Variants in VSIG1 observed in about 807,000 individuals in gnomAD.
The protein encoded by VSIG1 is V-set and immunoglobulin domain-containing protein 1.
A neutral mutation model predicts 20.1 loss-of-function variants in VSIG1; 11 were observed. The ratio of observed to expected loss-of-function variants is 0.55; its 90% CI spans 0.34 to 0.91. The LOEUF is 0.91. Ranked by LOEUF, VSIG1 falls within the 40% of genes least tolerant of loss-of-function variation. The pLI, the probability that VSIG1 is intolerant of heterozygous loss-of-function variation, is 0.02. For synonymous variants in VSIG1, 126 were observed against 116.7 expected (o/e 1.08, Z -0.52); for missense variants, 283 against 298.8 (o/e 0.95, Z 0.39).
At chrX:108,066,368 T>C (rs1429822221) in intron 2 of VSIG1, among the ~76,000 whole-genome samples, 1 of 111,517 alleles carries the variant, frequency 9.0e-6, no homozygotes, top group African/African-American at 3.3e-5. Flanking sequence ...TGGGACCAGA[T>C]GATTTCTAAG....
chrX:108,043,818 T>C (rs1347273113), upstream of VSIG1, among the ~76,000 whole-genome samples: 1 of 112,093 alleles, frequency 8.9e-6, no homozygotes, highest in Non-Finnish European at 1.9e-5. Context: ...ACATAAAACA[T>C]ATCACTTGAA....
At chrX:108,075,299 G>T (rs1259160638) in intron 5 of VSIG1, among the ~76,000 whole-genome samples, 2 of 112,095 alleles carry the variant, frequency 1.8e-5, no homozygotes, top group Non-Finnish European at 3.8e-5. Flanking sequence ...GTTAAGAGTG[G>T]TTGCCTTTCG....
chrX:108,071,539 C>A (rs1455852992), intron 3 of VSIG1, among the ~76,000 whole-genome samples: 2 of 111,078 alleles, frequency 1.8e-5, no homozygotes, highest in Non-Finnish European at 3.8e-5. Flanking sequence ...TTTTCATAAG[C>A]AGCTAAAACT....
intron 3 of VSIG1, among the ~76,000 whole-genome samples, chrX:108,068,108 A>G (rs1024994467): frequency 8.9e-6 from 1 of 112,048 alleles, no homozygotes; most frequent in African/African-American, 3.2e-5. Flanking sequence ...ACCCAAGAGA[A>G]CTGTTTACAG....
upstream of VSIG1, among the ~76,000 whole-genome samples, chrX:108,040,767 G>A (rs1035585908): frequency 5.4e-5 from 6 of 111,950 alleles, no homozygotes; most frequent in African/African-American, 1.9e-4. Flanking sequence ...TGGACCTAGT[G>A]ACAGAAAGAG....
intron 1 of VSIG1, among the ~76,000 whole-genome samples, chrX:108,056,675 C>T (rs749722974): frequency 8.0e-5 from 9 of 112,387 alleles, no homozygotes; most frequent in Non-Finnish European, 9.4e-5. Context: ...ATTAAAACCA[C>T]GATGATTATA....
intron 3 of VSIG1, among the ~76,000 whole-genome samples, chrX:108,071,874 C>T (rs1484351429): frequency 1.0e-5 from 1 of 97,722 alleles, no homozygotes; most frequent in African/African-American, 4.0e-5. Flanking sequence ...ATTTGTGTCA[C>T]CCACAGATGA....
chrX:108,052,299 C>T (rs1015185888), intron 1 of VSIG1, among the ~76,000 whole-genome samples: 3 of 111,301 alleles, frequency 2.7e-5, no homozygotes, highest in African/African-American at 9.8e-5. Context: ...AAAAACAAAA[C>T]GAAACAAAAG....
the VSIG1 span, among the ~76,000 whole-genome samples, chrX:108,024,631 T>C: frequency 9.1e-6 from 1 of 109,934 alleles, no homozygotes; most frequent in Non-Finnish European, 1.9e-5. Context: ...ATCCCACAAG[T>C]TTCGGTTGTT....
At chrX:108,038,283 T>C in the VSIG1 span, among the ~76,000 whole-genome samples, 4 of 111,097 alleles carry the variant, frequency 3.6e-5, no homozygotes, top group Admixed American at 3.8e-4. Flanking sequence ...CCGGTGTGTG[T>C]TGTTCCCCTC....
chrX:108,072,452 C>G (rs1420707621), intron 3 of VSIG1, among the ~76,000 whole-genome samples: 2 of 111,199 alleles, frequency 1.8e-5, no homozygotes, highest in African/African-American at 6.6e-5. Context: ...GGTGTTTCAT[C>G]ACATTGGCCA....
intron 2 of VSIG1, among the ~76,000 whole-genome samples, chrX:108,065,556 G>A (rs1223864870): frequency 9.0e-6 from 1 of 111,603 alleles, no homozygotes; most frequent in East Asian, 2.8e-4. Context: ...GGGACCTCAG[G>A]AATTACCTAA....
At chrX:108,036,450 A>G in the VSIG1 span, among the ~76,000 whole-genome samples, 3 of 110,973 alleles carry the variant, frequency 2.7e-5, no homozygotes, top group African/African-American at 9.9e-5. Flanking sequence ...GCTTAGGAGT[A>G]GGCTTCCCCA....
Position 108,058,159 on chromosome X carries a change from C to T in VSIG1, c.171C>T (p.Ile57=). The change falls in exon 2 of 7, where the codon ATC becomes ATT. Residue 57 remains isoleucine (I), a synonymous_variant. Coordinates refer to ENST00000217957, the MANE Select transcript of VSIG1 (RefSeq NM_182607.5). ...TGGCCTCCCGAGAACAGCTTTCCAT[C>T]CAGTGGTCTTTCTTCCATAAGAAGG... The part of the protein sequence containing the change: ...TTVASREQLS[I]QWSFFHKKEM... 1 of 1,210,144 alleles carries T rather than the reference C, an allele frequency of 8.3e-7. No homozygotes were observed. Among genetic ancestry groups the T allele is most frequent in the Non-Finnish European group, 1.1e-6 (1 of 894,762 alleles).
At chrX:108,048,026 C>T (rs1161682752) in intron 1 of VSIG1, among the ~76,000 whole-genome samples, 5 of 71,818 alleles carry the variant, frequency 7.0e-5, no homozygotes, top group South Asian at 1.5e-3. Flanking sequence ...TCTTTTGAGA[C>T]GAAGTTAAGT....
chrX:108,027,002 G>A, the VSIG1 span, among the ~76,000 whole-genome samples: 1 of 111,621 alleles, frequency 9.0e-6, no homozygotes, highest in Non-Finnish European at 1.9e-5. Context: ...CCAGTAGGAT[G>A]GCTATAATTT....
intron 5 of VSIG1, 57 bp from the exon 6 acceptor site, chrX:108,076,020 C>A: frequency 8.4e-7 from 1 of 1,189,486 alleles, no homozygotes; most frequent in Non-Finnish European, 1.1e-6. Context: ...GTCACAAACA[C>A]ACATTATAAA....
At chrX:108,028,812 A>T in the VSIG1 span, among the ~76,000 whole-genome samples, 1 of 111,733 alleles carries the variant, frequency 8.9e-6, no homozygotes. Context: ...GAGGAAGTGA[A>T]TATGTTTAAC....
At position 108,072,472 on chromosome X, in the gene VSIG1, C is replaced by A. The variant is rs373538704; in HGVS notation, c.413-205C>A. Among the ~76,000 whole-genome samples the A allele has an allele frequency of 6.2e-3, 692 of 111,241 alleles. 1 individual carries two copies. The highest frequency in any genetic ancestry group is 0.021 in the African/African-American group (639 of 30,550). On this transcript the variant is annotated intron_variant, in intron 3 of 6. Coordinates refer to ENST00000217957, the MANE Select transcript of VSIG1 (RefSeq NM_182607.5). ...TTCATCACATTGGCCAGGCTGGTCT[C>A]GAACTCCTGACCTCAGGTGATCCAC...
Sources: gnomAD v4.1 joint callset for allele counts (sites outside exome capture counted in the v4.1 genomes callset) on GRCh38, gnomAD v4.1.1 for gene constraint, MANE v1.5 for transcripts, NCBI Gene and HGNC (gene_info 2026-07-23, HGNC 2026-07-21) for gene names.